CALCR: variants seen among roughly 807,000 people sequenced by gnomAD.
CALCR encodes the protein calcitonin receptor.
CALCR carries 47 observed loss-of-function variants against 59.5 expected under a neutral mutation model. The ratio of observed to expected loss-of-function variants is 0.79; its 90% CI spans 0.63 to 1.01. The LOEUF (loss-of-function observed/expected upper bound fraction) is 1.01. Ranked by LOEUF, CALCR falls within the 50% of genes least tolerant of loss-of-function variation. The pLI, the probability that CALCR is intolerant of heterozygous loss-of-function variation, is 0.00. For missense variants in CALCR, 566 were observed against 597.1 expected, an observed-to-expected ratio of 0.95 and a Z score of 0.54; for synonymous variants, 213 against 211.3, an observed-to-expected ratio of 1.01 and a Z score of -0.07.
chr7:93,534,205 T>C (rs906106287), intron 2 of CALCR, among the ~76,000 whole-genome samples: 12 of 151,820 alleles, frequency 7.9e-5, no homozygotes, highest in African/African-American at 2.9e-4. Flanking sequence ...GTCTAATATT[T>C]ACAATAGCCC....
intron 8 of CALCR, among the ~76,000 whole-genome samples, chr7:93,459,002 T>C (rs1318025273): frequency 6.6e-6 from 1 of 152,110 alleles, no homozygotes; most frequent in Admixed American, 6.6e-5. Flanking sequence ...GGAAAGCAGG[T>C]TTGCAAAGGA....
chr7:93,514,458 T>G (rs1021138628), intron 2 of CALCR, among the ~76,000 whole-genome samples: 2 of 151,982 alleles, frequency 1.3e-5, no homozygotes, highest in African/African-American at 4.8e-5. Flanking sequence ...AATAATTTGT[T>G]GTTATGAATA....
chr7:93,438,027 C>G (rs755973808), intron 11 of CALCR, 33 bp downstream of exon 11: 1 of 1,522,458 alleles, frequency 6.6e-7, no homozygotes, highest in Non-Finnish European at 9.1e-7. Context: ...AGAGATAATA[C>G]TACTAATATT....
intron 11 of CALCR, 81 bp from the exon 12 acceptor site, chr7:93,436,251 C>A: frequency 8.8e-7 from 1 of 1,137,102 alleles, no homozygotes; most frequent in Non-Finnish European, 1.3e-6. Flanking sequence ...TCTTGTTTAT[C>A]CAGTGTGAGC....
At chr7:93,458,064 A>G (rs1339352463) in intron 8 of CALCR, among the ~76,000 whole-genome samples, 2 of 152,162 alleles carry the variant, frequency 1.3e-5, no homozygotes, top group African/African-American at 4.8e-5. Flanking sequence ...TTTTCTTTAA[A>G]TCAATTGACA....
intron 2 of CALCR, among the ~76,000 whole-genome samples, chr7:93,538,354 T>C (rs1413392994): frequency 6.6e-6 from 1 of 152,038 alleles, no homozygotes; most frequent in Admixed American, 6.6e-5. Context: ...TGTGAAGAAG[T>C]ATTTATTTCC....
At chr7:93,529,257 C>T (rs936576227) in intron 2 of CALCR, among the ~76,000 whole-genome samples, 5 of 151,976 alleles carry the variant, frequency 3.3e-5, no homozygotes, top group Admixed American at 2.6e-4. Context: ...CTTGTGAGAT[C>T]CAGTTGTTTA....
chr7:93,496,672 A>G (rs59855516), intron 2 of CALCR, among the ~76,000 whole-genome samples: 7,730 of 151,626 alleles, frequency 0.051, 696 homozygotes, highest in African/African-American at 0.18. Context: ...CTATGAGAAC[A>G]AGGAGTAGGA....
chr7:93,561,610 A>G (rs936940587), intron 2 of CALCR, among the ~76,000 whole-genome samples: 213 of 152,336 alleles, frequency 1.4e-3, no homozygotes, highest in African/African-American at 4.9e-3. Context: ...TTTTTGATCC[A>G]GAAGGGAAAG....
chr7:93,534,658 A>T (rs183833247), intron 2 of CALCR, among the ~76,000 whole-genome samples: 58 of 151,902 alleles, frequency 3.8e-4, no homozygotes, highest in African/African-American at 1.4e-3. Context: ...CTCATACCTA[A>T]CAGTGATTAT....
intron 2 of CALCR, among the ~76,000 whole-genome samples, chr7:93,494,154 C>T (rs560905843): frequency 1.1e-4 from 17 of 151,452 alleles, no homozygotes; most frequent in East Asian, 3.9e-4. Context: ...GCTAATATGG[C>T]GAGAAACCAG....
chr7:93,533,798 A>T (rs1788912238), intron 2 of CALCR, among the ~76,000 whole-genome samples: 1 of 151,800 alleles, frequency 6.6e-6, no homozygotes, highest in Non-Finnish European at 1.5e-5. Context: ...CTCCTTTCCC[A>T]GTAAATTAAA....
chr7:93,427,378 C>T (rs1217551513), intron 13 of CALCR, among the ~76,000 whole-genome samples: 2 of 152,274 alleles, frequency 1.3e-5, no homozygotes, highest in East Asian at 3.9e-4. Context: ...CTGTTGTCTC[C>T]AAACTTCTTG....
At chr7:93,520,408 T>C (rs1801737347) in intron 2 of CALCR, among the ~76,000 whole-genome samples, 1 of 152,144 alleles carries the variant, frequency 6.6e-6, no homozygotes, top group African/African-American at 2.4e-5. Flanking sequence ...ATTTCACTTA[T>C]ACCACGATTT....
chr7:93,510,702 T>C (rs1422853906), intron 2 of CALCR, among the ~76,000 whole-genome samples: 2 of 151,870 alleles, frequency 1.3e-5, no homozygotes, highest in African/African-American at 4.8e-5. Flanking sequence ...ACACTGTCTC[T>C]ACAAAATAAA....
chr7:93,570,914 A>G (rs1478572975), intron 2 of CALCR, among the ~76,000 whole-genome samples: 2 of 152,240 alleles, frequency 1.3e-5, no homozygotes, highest in African/African-American at 2.4e-5. Flanking sequence ...TACTGTTAGA[A>G]GTATTGAGGA....
At chr7:93,554,792 T>TATATATATATA (rs60870213) in intron 2 of CALCR, among the ~76,000 whole-genome samples, 27 of 135,782 alleles carry the variant, frequency 2.0e-4, no homozygotes, top group South Asian at 7.0e-4. Flanking sequence ...TATATATATA[T>TATATATATATA]TATACGTACA....
intron 2 of CALCR, among the ~76,000 whole-genome samples, chr7:93,545,217 G>A (rs770942059): frequency 2.6e-5 from 4 of 151,950 alleles, no homozygotes; most frequent in South Asian, 4.2e-4. Flanking sequence ...GAACTTAGTC[G>A]GCTCCTGAAT....
At position 93,508,388 on chromosome 7, in the gene CALCR, G is replaced by A. The variant is rs373232764; in HGVS notation, c.-26-21381C>T. 5.7e-4 allele frequency among the ~76,000 whole-genome samples: 86 copies of A among 152,028 alleles called. No homozygotes were observed. In the East Asian group the frequency reaches 0.013, roughly 22 times the overall value. Reference sequence around the variant, plus strand: ...GAGAGCATGTGGACTCACAAAGGAGGGTGGAACATTATTTTTTAAACAAAT... The same window carrying A: ...GAGAGCATGTGGACTCACAAAGGAGAGTGGAACATTATTTTTTAAACAAAT... On this transcript the variant is annotated intron_variant, in intron 2 of 13. Coordinates refer to ENST00000426151, the MANE Select transcript of CALCR (RefSeq NM_001742.4).
Sources: gnomAD v4.1 joint callset for allele counts (sites outside exome capture counted in the v4.1 genomes callset) on GRCh38, gnomAD v4.1.1 for gene constraint, MANE v1.5 for transcripts, NCBI Gene and HGNC (gene_info 2026-07-23, HGNC 2026-07-21) for gene names.